VKORC1: variants seen among roughly 807,000 people sequenced by gnomAD.
The protein encoded by VKORC1 is vitamin K epoxide reductase complex subunit 1.
VKORC1 carries 12 observed loss-of-function variants against 14.8 expected under a neutral mutation model. The ratio of observed to expected loss-of-function variants is 0.81; its 90% CI spans 0.52 to 1.31. VKORC1 has a LOEUF of 1.31. VKORC1 is among the 50% of genes most tolerant of loss of function. VKORC1 has a pLI of 0.00. For missense variants in VKORC1, 223 were observed against 215.3 expected (o/e 1.04, Z -0.22); for synonymous variants, 94 against 92.5 (o/e 1.02, Z -0.09).
At chr16:31,093,513 A>G (rs1425064807) in intron 1 of VKORC1, 92 bp from the exon 2 acceptor site, 1 of 1,590,260 alleles carries the variant, frequency 6.3e-7, no homozygotes. Context: ...CCAAGAAGCC[A>G]CCTGGGCTAT....
intron 2 of VKORC1, 115 bp from the exon 3 acceptor site, chr16:31,091,457 CAA>C: frequency 2.0e-6 from 3 of 1,531,130 alleles, no homozygotes; most frequent in Non-Finnish European, 2.6e-6. Flanking sequence ...GTCTCTAAAA[CAA>C]GAGGCTCCAG....
chr16:31,091,181 T>C lies in VKORC1; in HGVS notation c.445A>G (p.Ser149Gly). The C allele has an allele frequency of 6.2e-7, 1 of 1,614,088 alleles. No homozygotes were observed. The highest frequency in any genetic ancestry group is 8.5e-7 in the Non-Finnish European group (1 of 1,180,018). The change falls in exon 3 of 3, where the codon AGT becomes GGT. Residue 149 changes from serine (S) to glycine (G), a missense_variant. Transcript: ENST00000394975. ...YAINVSLMWL[S>G]FRKVQEPQGK... ...TGGGGTTCTTGGACCTTCCGGAAACTGAGCCACATCAGGCTCACGTTGATA... is the reference window on the plus strand; with the variant it reads ...TGGGGTTCTTGGACCTTCCGGAAACCGAGCCACATCAGGCTCACGTTGATA...
At chr16:31,092,176 CAAAA>C (rs35224256) in intron 2 of VKORC1, among the ~76,000 whole-genome samples, 3 of 37,198 alleles carry the variant, frequency 8.1e-5, no homozygotes, top group African/African-American at 1.4e-4. Context: ...GACTATGTCG[CAAAA>C]AAAAAAAAAA....
intron 2 of VKORC1, 146 bp from the exon 3 acceptor site, chr16:31,091,488 C>T (rs576734291): frequency 4.5e-5 from 67 of 1,484,110 alleles, no homozygotes; most frequent in East Asian, 4.2e-4. Flanking sequence ...TGGTGGCTTA[C>T]GCACGTATTC....
chr16:31,093,310 AC>A lies in VKORC1; in HGVS notation c.283+1del, dbSNP rs1263435113. The A allele has an allele frequency of 1.8e-5, 29 of 1,613,058 alleles. No individual in the cohort carries two copies. Among genetic ancestry groups the A allele is most frequent in the Non-Finnish European group, 2.4e-5 (28 of 1,179,974 alleles). On this transcript the variant is annotated splice_donor_variant, in intron 2 of 2. Coordinates refer to ENST00000394975, the MANE Select transcript of VKORC1 (RefSeq NM_024006.6). LOFTEE classifies it high-confidence loss of function. ...GGGCAGGGAGGGGGCGGAGCCACTC[AC>A]CTAACAATAGCTGTAGTGTGTAGAA... is the stretch of plus-strand genomic sequence containing the variant.
intron 2 of VKORC1, 79 bp from the exon 3 acceptor site, chr16:31,091,421 C>T: frequency 6.4e-7 from 1 of 1,555,670 alleles, no homozygotes; most frequent in Non-Finnish European, 8.7e-7. Flanking sequence ...ACTGCACTAC[C>T]TAGATGCCAG....
chr16:31,091,247 C>T lies in VKORC1; in HGVS notation c.379G>A (p.Val127Met), dbSNP rs777707816. Residue 127 changes from valine (V) to methionine (M), a missense_variant, in exon 3 of 3, where the codon GTG becomes ATG. Val to Met is a conservative substitution (Grantham distance 21, BLOSUM62 1). Transcript: ENST00000394975. ...SVYLAWILFF[V>M]LYDFCIVCIT... is the part of the protein sequence containing the mutation. ...CAAACAATGCAGAAATCATAGAGCA[C>T]GAAGAACAGGATCCAGGCCAGGTAG... 32 of 1,614,026 alleles carry T rather than the reference C, an allele frequency of 2.0e-5. No individual in the cohort carries two copies. Among genetic ancestry groups the T allele is most frequent in the Admixed American group, 1.0e-4 (6 of 59,996 alleles).
chr16:31,094,718 G>A lies in VKORC1; in HGVS notation c.12C>T (p.Thr4=), dbSNP rs1292429933. 6.2e-7 allele frequency: 1 copy of A among 1,606,128 alleles called. No homozygotes were observed. Among genetic ancestry groups the A allele is most frequent in the Non-Finnish European group, 8.5e-7 (1 of 1,178,144 alleles). The part of the protein sequence containing the change: MGS[T]WGSPGWVRLA... ...GCCGCACCCAGCCAGGGCTCCCCCAGGTGCTGCCCATTATCTCCAGGTTCC... is the reference window on the plus strand; with the variant it reads ...GCCGCACCCAGCCAGGGCTCCCCCAAGTGCTGCCCATTATCTCCAGGTTCC... Residue 4 remains threonine (T), a synonymous_variant, in exon 1 of 3, where the codon ACC becomes ACT. Coordinates refer to ENST00000394975, the MANE Select transcript of VKORC1 (RefSeq NM_024006.6).
chr16:31,093,489 G>A (rs769186370), intron 1 of VKORC1, 68 bp from the exon 2 acceptor site: 8 of 1,609,796 alleles, frequency 5.0e-6, no homozygotes, highest in Admixed American at 1.7e-5. Flanking sequence ...GACCCTGCCC[G>A]AGAAAGGTGA....
In VKORC1 at chr16:31,091,269, G is replaced by A. The variant is rs2057287557; in HGVS notation, c.357C>T (p.Tyr119=). ...SSLVSLAGSV[Y]LAWILFFVLY... is the part of the protein sequence containing the mutation. ...GCACGAAGAACAGGATCCAGGCCAG[G>A]TAGACAGAACCAGCGAGAGACACCA... Residue 119 remains tyrosine (Y), a synonymous_variant, in exon 3 of 3, where the codon TAC becomes TAT. Transcript: ENST00000394975. 1.2e-6 allele frequency: 2 copies of A among 1,614,180 alleles called. No individual in the cohort carries two copies. The highest frequency in any genetic ancestry group is 1.7e-6 in the Non-Finnish European group (2 of 1,180,048).
In VKORC1 at chr16:31,093,387, G is replaced by C. The variant is rs202194968; in HGVS notation, c.208C>G (p.Leu70Val). The C allele has an allele frequency of 6.2e-7, 1 of 1,614,170 alleles. No individual in the cohort carries two copies. Among genetic ancestry groups the C allele is most frequent in the Admixed American group, 1.7e-5 (1 of 60,018 alleles). Residue 70 changes from leucine (L) to valine (V), a missense_variant, in exon 2 of 3, where the codon CTG (leucine) becomes GTG (valine). Coordinates refer to ENST00000394975, the MANE Select transcript of VKORC1 (RefSeq NM_024006.6). ...TGATTGAGGATGCTGTCCTGTCCCAGCACATGCTCCACCAGCCCGAAACCC... is the reference window on the plus strand; with the variant it reads ...TGATTGAGGATGCTGTCCTGTCCCACCACATGCTCCACCAGCCCGAAACCC... ...GRGFGLVEHV[L>V]GQDSILNQSN...
At position 31,093,699 on chromosome 16, in the gene VKORC1, CTTTTTTTTTT is replaced by C. The variant is rs71151446; in HGVS notation, c.174-288_174-279del. 5.3e-4 allele frequency: 36 copies of C among 68,098 alleles called. 1 individual carries two copies. The highest frequency in any genetic ancestry group is 1.9e-3 in the South Asian group (8 of 4,272). 4.2% of individuals were successfully genotyped at this position (68,098 alleles called of 1,614,324 possible). The stretch of plus-strand genomic sequence containing the variant: ...TTCATCTTAGACCTTAAGTAAGTCT[CTTTTTTTTTT>C]TTTTTTTTTTTTTTTTTGAGACGGA... On this transcript the variant is annotated intron_variant, in intron 1 of 2. Transcript: ENST00000394975.
chr16:31,092,722 A>G, intron 2 of VKORC1: 3 of 1,269,284 alleles, frequency 2.4e-6, no homozygotes, highest in Non-Finnish European at 3.1e-6. Flanking sequence ...GCTTCTCCTT[A>G]AAAAGGAATT....
chr16:31,093,429 AGGGGT>A lies in VKORC1; in HGVS notation c.174-13_174-9del. On this transcript the variant is annotated splice_polypyrimidine_tract_variant and intron_variant, in intron 1 of 2. Coordinates refer to ENST00000394975, the MANE Select transcript of VKORC1 (RefSeq NM_024006.6). ...CCGAAACCCCTGCCCCACCTGGCAG[AGGGGT>A]GGGGTGGGGTGGAACCAGGTTAGGA... 6.2e-7 allele frequency: 1 copy of A among 1,614,102 alleles called. No homozygotes were observed.
chr16:31,092,825 A>G (rs1324908471), intron 2 of VKORC1: 3 of 1,217,814 alleles, frequency 2.5e-6, no homozygotes, highest in Non-Finnish European at 2.1e-6. Context: ...AGGCAGACAG[A>G]TTGCTTGAGA....
At chr16:31,092,941 C>T (rs2057299304) in intron 2 of VKORC1, 1 of 441,438 alleles carries the variant, frequency 2.3e-6, no homozygotes, top group Middle Eastern at 7.5e-4. Flanking sequence ...GCTTGGGAGG[C>T]TAAGGTGGGA....
chr16:31,094,204 G>T (rs767669299), intron 1 of VKORC1: 1 of 1,595,168 alleles, frequency 6.3e-7, no homozygotes, highest in Non-Finnish European at 8.6e-7. Context: ...CCTTGTTCCT[G>T]GGCGCAGCCA....
At position 31,094,694 on chromosome 16, in the gene VKORC1, C is replaced by A. The variant is rs55894764; in HGVS notation, c.36G>T (p.Arg12=). ...GSTWGSPGWV[R]LALCLTGLVL... ...CTAAGCCCGTCAGGCAAAGAGCGAGCCGCACCCAGCCAGGGCTCCCCCAGG... is the reference window on the plus strand; with the variant it reads ...CTAAGCCCGTCAGGCAAAGAGCGAGACGCACCCAGCCAGGGCTCCCCCAGG... The change falls in exon 1 of 3, where the codon CGG becomes CGT. Residue 12 remains arginine (R), a synonymous_variant. Coordinates refer to ENST00000394975, the MANE Select transcript of VKORC1 (RefSeq NM_024006.6). The A allele has an allele frequency of 2.5e-6, 4 of 1,608,246 alleles. No homozygotes were observed. In the Admixed American group the frequency reaches 6.7e-5, roughly 27 times the overall value.
rs993797148 is a variant in VKORC1 at position 31,091,017 on chromosome 16, G to A, written c.*117C>T. The A allele has an allele frequency of 3.3e-6, 5 of 1,505,312 alleles. No homozygotes were observed. Among genetic ancestry groups the A allele is most frequent in the Non-Finnish European group, 4.5e-6 (5 of 1,113,942 alleles). The allele number at this position is 1,505,312 out of a possible 1,614,324, so 93.2% of individuals were successfully genotyped here. On this transcript the variant is annotated 3_prime_UTR_variant, in exon 3 of 3. Coordinates refer to ENST00000394975, the MANE Select transcript of VKORC1 (RefSeq NM_024006.6). Reference sequence around the variant, plus strand: ...GTCATGTGCGGGTATGGCAGGAGGAGGGGGTAATCTAGAAGCCCCACATCT... The same window carrying A: ...GTCATGTGCGGGTATGGCAGGAGGAAGGGGTAATCTAGAAGCCCCACATCT...
Sources: gnomAD v4.1 joint callset for allele counts (sites outside exome capture counted in the v4.1 genomes callset) on GRCh38, gnomAD v4.1.1 for gene constraint, MANE v1.5 for transcripts, NCBI Gene and HGNC (gene_info 2026-07-23, HGNC 2026-07-21) for gene names.